Variants in CSMD3 observed in about 807,000 individuals in gnomAD.
CSMD3 encodes the protein CUB and sushi domain-containing protein 3.
CSMD3 carries 177 observed loss-of-function variants against 435.2 expected under a neutral mutation model. The observed-to-expected ratio is 0.41, with a 90% CI of 0.36 to 0.46. The LOEUF (loss-of-function observed/expected upper bound fraction) is 0.46. Among genes scored for constraint, CSMD3 ranks in the 20% least tolerant of loss-of-function variants. CSMD3 has a pLI of 0.34. For synonymous variants in CSMD3, 1,656 were observed against 1,520.5 expected (o/e 1.09, Z -2.07); for missense variants, 4,265 against 4,504.6 (o/e 0.95, Z 1.52).
intron 2 of CSMD3, among the ~76,000 whole-genome samples, chr8:113,303,148 A>G (rs1314283047): frequency 6.8e-6 from 1 of 147,214 alleles, no homozygotes; most frequent in East Asian, 2.0e-4. Flanking sequence ...TCATGAGTGA[A>G]CTCCCATCCA....
intron 1 of CSMD3, among the ~76,000 whole-genome samples, chr8:113,369,422 TG>T (rs951900882): frequency 1.3e-5 from 2 of 151,848 alleles, no homozygotes; most frequent in African/African-American, 4.8e-5. Flanking sequence ...GGTAAGGATG[TG>T]AAAAAAAAGG....
At chr8:113,359,043 T>C (rs2094253635) in intron 1 of CSMD3, among the ~76,000 whole-genome samples, 1 of 151,166 alleles carries the variant, frequency 6.6e-6, no homozygotes, top group African/African-American at 2.4e-5. Context: ...TTCCTCTCAA[T>C]AGTAAAAAAA....
chr8:113,076,736 AG>A (rs2089353527), intron 5 of CSMD3, among the ~76,000 whole-genome samples: 1 of 152,164 alleles, frequency 6.6e-6, no homozygotes, highest in South Asian at 2.1e-4. Flanking sequence ...GATTCCAAAT[AG>A]AAGGATGGCA....
At chr8:113,203,060 G>T (rs538659846) in intron 3 of CSMD3, among the ~76,000 whole-genome samples, 6 of 152,072 alleles carry the variant, frequency 3.9e-5, no homozygotes, top group African/African-American at 1.2e-4. Flanking sequence ...CTGTACTACT[G>T]TAAGATGACT....
At chr8:113,048,646 T>C (rs900957506) in intron 5 of CSMD3, among the ~76,000 whole-genome samples, 1 of 152,218 alleles carries the variant, frequency 6.6e-6, no homozygotes. Context: ...TGATTGCATT[T>C]ACTCTGCATA....
chr8:112,950,347 T>A (rs186214631), intron 8 of CSMD3, among the ~76,000 whole-genome samples: 1 of 151,952 alleles, frequency 6.6e-6, no homozygotes, highest in Admixed American at 6.6e-5. Context: ...AAATGTGGCA[T>A]GAAAATGAGG....
At chr8:113,065,578 C>T (rs558678841) in intron 5 of CSMD3, among the ~76,000 whole-genome samples, 91 of 152,138 alleles carry the variant, frequency 6.0e-4, no homozygotes, top group Middle Eastern at 3.4e-3. Flanking sequence ...TTAGTAGAGA[C>T]AGGGTTTCAC....
chr8:113,355,131 T>C (rs1304136009), intron 1 of CSMD3, among the ~76,000 whole-genome samples: 2 of 152,190 alleles, frequency 1.3e-5, no homozygotes, highest in Non-Finnish European at 2.9e-5. Flanking sequence ...TATATGAACT[T>C]ATGTATTATA....
At chr8:113,202,746 G>A (rs1275525449) in intron 3 of CSMD3, among the ~76,000 whole-genome samples, 4 of 152,076 alleles carry the variant, frequency 2.6e-5, no homozygotes, top group Non-Finnish European at 4.4e-5. Context: ...AAATCTAGCT[G>A]TATTCAATTT....
rs1169267205 is a variant in CSMD3, at chr8:113,173,674, A to C, written c.709+48T>G. ...AACAGGCACCAAACACATTTTTCAA[A>C]TACACTGGCTGATAACAACTCTCAT... On this transcript the variant is annotated intron_variant, in intron 4 of 70. Coordinates refer to ENST00000297405, the MANE Select transcript of CSMD3 (RefSeq NM_198123.2). 5 of 1,442,588 alleles carry C rather than the reference A, an allele frequency of 3.5e-6. No homozygotes were observed. The Admixed American group carries it at 5.0e-5, about 15-fold the overall frequency. 89.4% of individuals were successfully genotyped at this position (1,442,588 alleles called of 1,614,324 possible). A position where few individuals can be genotyped will look rare whatever the true frequency, so the allele number is the denominator to read the frequency against.
At chr8:112,876,642 CT>C (rs2081290279) in intron 10 of CSMD3, among the ~76,000 whole-genome samples, 1 of 151,992 alleles carries the variant, frequency 6.6e-6, no homozygotes, top group Admixed American at 6.6e-5. Context: ...GCGCTTCATG[CT>C]AAAAACTCTC....
At chr8:113,041,489 C>A (rs1406454592) in intron 5 of CSMD3, among the ~76,000 whole-genome samples, 1 of 152,056 alleles carries the variant, frequency 6.6e-6, no homozygotes, top group Non-Finnish European at 1.5e-5. Context: ...TCACTTAGAT[C>A]TGAAACTTTT....
In CSMD3 at chr8:112,311,010, T is replaced by G. The variant is rs747320455; in HGVS notation, c.7853A>C (p.His2618Pro). Residue 2618 changes from histidine (H) to proline (P), a missense_variant, in exon 50 of 71, where the codon CAT becomes CCT. Physicochemically the swap from His to Pro is moderately conservative, Grantham distance 77. This residue lies in a region of CSMD3 where 3,255 missense variants were observed against 3,380.2 expected (regional missense o/e 0.96). Transcript: ENST00000297405. ...GGCAGGGACTGGCGCATCCCATGCA[T>G]GATACCCATAGGAAGACTTTCTGCA... ...AVCRKSSYGY[H>P]AWDAPVPACQ... 1 of 1,614,110 alleles carries G rather than the reference T, an allele frequency of 6.2e-7. No individual in the cohort carries two copies. The highest frequency in any genetic ancestry group is 1.1e-5 in the South Asian group (1 of 91,078).
chr8:112,386,744 G>A (rs1383047050), intron 36 of CSMD3, among the ~76,000 whole-genome samples: 5 of 151,232 alleles, frequency 3.3e-5, no homozygotes, highest in African/African-American at 4.8e-5. Flanking sequence ...TGATCCGCCC[G>A]CCTCGGCCCC....
chr8:112,265,241 T>C (rs1563709542), intron 60 of CSMD3, among the ~76,000 whole-genome samples, 170 bp downstream of exon 60: 1 of 151,894 alleles, frequency 6.6e-6, no homozygotes, highest in Non-Finnish European at 1.5e-5. Flanking sequence ...TTATTTTAAA[T>C]TCTATATATT....
At chr8:112,277,104 C>T (rs1818132882) in intron 59 of CSMD3, among the ~76,000 whole-genome samples, 1 of 152,182 alleles carries the variant, frequency 6.6e-6, no homozygotes. Context: ...CAAATTTCTA[C>T]AGCCAGCTTG....
intron 2 of CSMD3, among the ~76,000 whole-genome samples, chr8:113,304,751 C>G (rs1161576803): frequency 9.2e-6 from 1 of 108,436 alleles, no homozygotes; most frequent in African/African-American, 3.7e-5. Flanking sequence ...ATATCACACT[C>G]TGGGGACTGT....
chr8:112,431,904 T>G (rs1813751198), intron 32 of CSMD3, among the ~76,000 whole-genome samples: 1 of 152,180 alleles, frequency 6.6e-6, no homozygotes, highest in Admixed American at 6.6e-5. Flanking sequence ...TCCACACCTC[T>G]ATGCACAGCT....
chr8:112,585,102 C>A (rs191454551), intron 23 of CSMD3, among the ~76,000 whole-genome samples: 11 of 151,448 alleles, frequency 7.3e-5, no homozygotes, highest in Admixed American at 2.0e-4. Context: ...GGCAGAGAGA[C>A]CATGAAGAAG....
Sources: gnomAD v4.1 joint callset for allele counts (sites outside exome capture counted in the v4.1 genomes callset) on GRCh38, gnomAD v4.1.1 for gene constraint, gnomAD v4.1.1 regional missense constraint, MANE v1.5 for transcripts, NCBI Gene and HGNC (gene_info 2026-07-23, HGNC 2026-07-21) for gene names.